NCOA5: variants seen among roughly 807,000 people sequenced by gnomAD.
NCOA5 encodes NCoA-5.
A neutral mutation model predicts 59.0 loss-of-function variants in NCOA5; 12 were observed. The ratio of observed to expected loss-of-function variants is 0.20; its 90% CI spans 0.13 to 0.33. NCOA5 has a LOEUF of 0.33. NCOA5 is among the 10% of genes least tolerant of loss of function. The pLI is 1.00. For missense variants in NCOA5, 655 were observed against 766.6 expected (o/e 0.85, Z 1.72); for synonymous variants, 270 against 275.5 (o/e 0.98, Z 0.20).
rs1371319884 is a variant in NCOA5 at position 46,062,002 on chromosome 20, G to C, written c.*298C>G. The C allele has an allele frequency of 4.3e-6, 1 of 235,074 alleles. No individual in the cohort carries two copies. Among genetic ancestry groups the C allele is most frequent in the Admixed American group, 5.0e-5 (1 of 20,118 alleles). 14.6% of individuals were successfully genotyped at this position (235,074 alleles called of 1,614,324 possible). The stretch of plus-strand genomic sequence containing the variant: ...GCTGGGCCTGGCTCCAAATCCAGTA[G>C]AAACAGGGACCGGAGAAACCCCATC... On this transcript the variant is annotated 3_prime_UTR_variant, in exon 8 of 8. Transcript: ENST00000290231.
Position 46,067,621 on chromosome 20 carries a change from CT to C in NCOA5, c.503-441del, listed in dbSNP as rs35829047. Among the ~76,000 whole-genome samples the C allele has an allele frequency of 5.3e-5, 8 of 150,006 alleles. No homozygotes were observed. The East Asian group carries it at 1.6e-3, about 29-fold the overall frequency. On this transcript the variant is annotated intron_variant, in intron 4 of 7. Coordinates refer to ENST00000290231, the MANE Select transcript of NCOA5 (RefSeq NM_020967.3). ...GTTTAAAATTAAAAATTTAAAAGTT[CT>C]TTTTTTAAAAGAAAAAAATCAAGTA...
chr20:46,074,774 T>A (rs2084919452), intron 2 of NCOA5, among the ~76,000 whole-genome samples: 1 of 152,184 alleles, frequency 6.6e-6, no homozygotes, highest in Non-Finnish European at 1.5e-5. Flanking sequence ...TAGATGATCA[T>A]CTTGGAAAAC....
rs187634102 is a variant in NCOA5 at position 46,077,212 on chromosome 20, A to C, written c.38+2175T>G. Reference sequence around the variant, plus strand: ...GGTGTGGGCCACTGTGCCTGGCTAGAAGCTCATTTTATAAGGCCCTCTCCA... The same window carrying C: ...GGTGTGGGCCACTGTGCCTGGCTAGCAGCTCATTTTATAAGGCCCTCTCCA... On this transcript the variant is annotated intron_variant, in intron 2 of 7. Transcript: ENST00000290231. Among the ~76,000 whole-genome samples the C allele has an allele frequency of 3.7e-3, 562 of 152,262 alleles. 1 individual carries two copies. Among genetic ancestry groups the C allele is most frequent in the Non-Finnish European group, 5.3e-3 (358 of 68,024 alleles).
rs770646101 is a variant in NCOA5, at chr20:46,065,174, G to C, written c.684C>G (p.Asp228Glu). The change falls in exon 6 of 8, where the codon GAC becomes GAG. Residue 228 changes from aspartate (D) to glutamate (E), a missense_variant. Coordinates refer to ENST00000290231, the MANE Select transcript of NCOA5 (RefSeq NM_020967.3). ...ACACTTCTGTGTTAAGGAAGATCAA[G>C]TCCACTACCATGCCCAGGTCTCGCA... ...RKVRDLGMVV[D>E]LIFLNTEVSL... The C allele has an allele frequency of 1.5e-5, 25 of 1,614,158 alleles. No homozygotes were observed. Among genetic ancestry groups the C allele is most frequent in the Non-Finnish European group, 1.9e-5 (22 of 1,180,024 alleles).
At chr20:46,080,587 A>T (rs976713063) in intron 1 of NCOA5, among the ~76,000 whole-genome samples, 3 of 150,782 alleles carry the variant, frequency 2.0e-5, no homozygotes, top group Admixed American at 2.0e-4. Flanking sequence ...AGAAACTTAG[A>T]GGTCTGGTAG....
intron 1 of NCOA5, among the ~76,000 whole-genome samples, chr20:46,080,055 C>T (rs2084975677): frequency 6.6e-6 from 1 of 152,012 alleles, no homozygotes; most frequent in South Asian, 2.1e-4. Flanking sequence ...AGAATATGAC[C>T]TGTTAACATC....
intron 3 of NCOA5, among the ~76,000 whole-genome samples, chr20:46,069,890 T>C (rs573464371): frequency 1.3e-5 from 2 of 152,348 alleles, no homozygotes; most frequent in Non-Finnish European, 2.9e-5. Context: ...TGATAGATCA[T>C]ATGGTAATTC....
At chr20:46,063,276 T>G in intron 7 of NCOA5, 84 bp downstream of exon 7, 1 of 1,435,698 alleles carries the variant, frequency 7.0e-7, no homozygotes, top group African/African-American at 1.4e-5. Context: ...CAAAGAGCCC[T>G]GGGCCTGACA....
At chr20:46,068,167 C>T (rs2084844031) in intron 4 of NCOA5, among the ~76,000 whole-genome samples, 1 of 152,162 alleles carries the variant, frequency 6.6e-6, no homozygotes. Flanking sequence ...CTCCTGGGCT[C>T]AAGTGATCTG....
intron 6 of NCOA5, 43 bp downstream of exon 6, chr20:46,064,986 T>G: frequency 6.2e-7 from 1 of 1,602,648 alleles, no homozygotes; most frequent in Non-Finnish European, 8.5e-7. Context: ...CATAAAGGAC[T>G]AATAATGGAC....
chr20:46,088,794 CAG>C (rs2085069485), intron 1 of NCOA5, among the ~76,000 whole-genome samples: 1 of 152,206 alleles, frequency 6.6e-6, no homozygotes, highest in South Asian at 2.1e-4. Context: ...GAGTGCAAGC[CAG>C]AAGAACCACA....
At chr20:46,074,429 C>CA (rs1009761607) in intron 2 of NCOA5, among the ~76,000 whole-genome samples, 2 of 152,196 alleles carry the variant, frequency 1.3e-5, no homozygotes, top group Non-Finnish European at 2.9e-5. Flanking sequence ...AGCATACCCT[C>CA]AGGTACTACA....
At position 46,062,695 on chromosome 20, in the gene NCOA5, T is replaced by G; in HGVS notation, c.1345A>C (p.Ser449Arg). The G allele has an allele frequency of 6.2e-7, 1 of 1,614,060 alleles. No individual in the cohort carries two copies. The highest frequency in any genetic ancestry group is 8.5e-7 in the Non-Finnish European group (1 of 1,179,950). ...FNSGTVTANS[S>R]SASPSVAAGN... ...GCAGCAACCGAGGGGGATGCAGAGC[T>G]GCTATTGGCCGTCACTGTGCCACTA... The change falls in exon 8 of 8, where the codon AGC becomes CGC. Residue 449 changes from serine to arginine, a missense_variant. By Grantham distance (110) the Ser-to-Arg change is moderately radical. Transcript: ENST00000290231.
At chr20:46,063,038 G>T in intron 7 of NCOA5, 149 bp from the exon 8 acceptor site, 1 of 733,506 alleles carries the variant, frequency 1.4e-6, no homozygotes. Context: ...GCCGCTTCAT[G>T]ATATGTGCTG....
In NCOA5 at chr20:46,068,633, T is replaced by C. The variant is rs1255252474; in HGVS notation, c.371A>G (p.Glu124Gly). The change falls in exon 4 of 8, where the codon GAA becomes GGA. Residue 124 changes from glutamate to glycine, a missense_variant. This residue lies in a region of NCOA5 where 250 missense variants were observed against 260.1 expected (regional missense o/e 0.96). Transcript: ENST00000290231. ...RDSRDPMYRR[E>G]GSYDRYLRMD... ...TCGTAGGTATCGGTCATAAGAGCCTTCTCTCCTGAAAAGTTAAGGAAATTT... is the reference window on the plus strand; with the variant it reads ...TCGTAGGTATCGGTCATAAGAGCCTCCTCTCCTGAAAAGTTAAGGAAATTT... 1.2e-6 allele frequency: 2 copies of C among 1,607,062 alleles called. No individual in the cohort carries two copies. Among genetic ancestry groups the C allele is most frequent in the Non-Finnish European group, 8.5e-7 (1 of 1,177,826 alleles).
chr20:46,074,749 C>T lies in NCOA5; in HGVS notation c.39-4213G>A, dbSNP rs187276996. Among the ~76,000 whole-genome samples, 9 of 152,332 alleles carry T rather than the reference C, an allele frequency of 5.9e-5. No homozygotes were observed. The South Asian group carries it at 6.2e-4, about 11-fold the overall frequency. ...AGAGCACCAGGCATGTGACAGCCTA[C>T]AGAGTAAGAACTGATAGATGATCAT... is the stretch of plus-strand genomic sequence containing the variant. On this transcript the variant is annotated intron_variant, in intron 2 of 7. Coordinates refer to ENST00000290231, the MANE Select transcript of NCOA5 (RefSeq NM_020967.3).
intron 1 of NCOA5, among the ~76,000 whole-genome samples, chr20:46,082,705 T>C (rs1167014119): frequency 6.6e-6 from 1 of 152,204 alleles, no homozygotes; most frequent in African/African-American, 2.4e-5. Context: ...TGAATATCTA[T>C]AGTGTCCAAG....
intron 1 of NCOA5, among the ~76,000 whole-genome samples, chr20:46,082,404 G>T (rs888030871): frequency 5.3e-5 from 8 of 152,198 alleles, no homozygotes; most frequent in African/African-American, 1.9e-4. Flanking sequence ...CTGGACATCA[G>T]ATGGGGAACT....
intron 2 of NCOA5, among the ~76,000 whole-genome samples, chr20:46,076,786 T>C (rs2084942774): frequency 1.3e-5 from 2 of 152,166 alleles, no homozygotes; most frequent in South Asian, 4.1e-4. Flanking sequence ...CTCCTGTTGA[T>C]TGTAAATAAA....
Sources: gnomAD v4.1 joint callset for allele counts (sites outside exome capture counted in the v4.1 genomes callset) on GRCh38, gnomAD v4.1.1 for gene constraint, gnomAD v4.1.1 regional missense constraint, MANE v1.5 for transcripts, NCBI Gene and HGNC (gene_info 2026-07-23, HGNC 2026-07-21) for gene names.